PIP5K1B: variants seen among roughly 807,000 people sequenced by gnomAD.
PIP5K1B encodes the protein phosphatidylinositol 4-phosphate 5-kinase type-1 beta.
PIP5K1B carries 42 observed loss-of-function variants against 67.0 expected under a neutral mutation model. The observed-to-expected ratio is 0.63, with a 90% confidence interval of 0.49 to 0.81. The LOEUF is 0.81. Ranked by LOEUF, PIP5K1B falls within the 30% of genes least tolerant of loss-of-function variation. The pLI is 0.00. For missense variants in PIP5K1B, 459 were observed against 646.3 expected (o/e 0.71, Z 3.14); for synonymous variants, 214 against 231.4 (o/e 0.92, Z 0.68).
intron 4 of PIP5K1B, among the ~76,000 whole-genome samples, chr9:68,849,421 C>A (rs901097907): frequency 6.6e-6 from 1 of 152,192 alleles, no homozygotes; most frequent in Non-Finnish European, 1.5e-5. Flanking sequence ...CCTCTGTCAA[C>A]CCAGGCTGAA....
rs538698797 is a variant in PIP5K1B, at chr9:68,792,127, G to A, written c.-85-26334G>A. On this transcript the variant is annotated intron_variant, in intron 2 of 15. Coordinates refer to ENST00000265382, the MANE Select transcript of PIP5K1B (RefSeq NM_003558.4). ...CTTCTGTGATCCTGTTGTTCCCAGGGCTTCCCTCTATAAAGGCAATTAATA... is the reference window on the plus strand; with the variant it reads ...CTTCTGTGATCCTGTTGTTCCCAGGACTTCCCTCTATAAAGGCAATTAATA... Among the ~76,000 whole-genome samples the A allele has an allele frequency of 2.0e-5, 3 of 152,314 alleles. No homozygotes were observed. The South Asian group carries it at 6.2e-4, about 32-fold the overall frequency.
At chr9:68,918,932 G>A (rs777259169) in intron 9 of PIP5K1B, among the ~76,000 whole-genome samples, 4 of 152,038 alleles carry the variant, frequency 2.6e-5, no homozygotes, top group African/African-American at 4.8e-5. Flanking sequence ...TATAAAACAT[G>A]ATAAATAATA....
intron 14 of PIP5K1B, among the ~76,000 whole-genome samples, chr9:68,975,142 C>G (rs539297183): frequency 2.0e-5 from 3 of 152,210 alleles, no homozygotes; most frequent in Non-Finnish European, 2.9e-5. Context: ...GATCACAGCT[C>G]GCTGCAGCCT....
chr9:68,947,808 C>A (rs1215897676), intron 14 of PIP5K1B, among the ~76,000 whole-genome samples: 1 of 152,092 alleles, frequency 6.6e-6, no homozygotes, highest in Non-Finnish European at 1.5e-5. Flanking sequence ...TAATGCATTC[C>A]CTGGTACTGT....
rs750644171 is a variant in PIP5K1B at position 68,754,171 on chromosome 9, A to ATTTTTTTTTTTTTTT, written c.-86+11517_-86+11518insTTTTTTTTTTTTTTT. On this transcript the variant is annotated intron_variant, in intron 2 of 15. Transcript: ENST00000265382. ...TTTAAGTCTTCTTTTATGTTCCATG[A>ATTTTTTTTTTTTTTT]TTTCTTTTTTTTTTTTGAGACAGAG... 7.2e-4 allele frequency among the ~76,000 whole-genome samples: 40 copies of ATTTTTTTTTTTTTTT among 55,564 alleles called. 3 individuals are homozygous for ATTTTTTTTTTTTTTT. Among genetic ancestry groups the ATTTTTTTTTTTTTTT allele is most frequent in the East Asian group, 3.0e-3 (4 of 1,346 alleles). The allele number at this position is 55,564 out of a possible 152,430, so 36.5% of individuals were successfully genotyped here. A position where few individuals can be genotyped will look rare whatever the true frequency, so the allele number is the denominator to read the frequency against.
At chr9:68,725,003 A>T (rs1390925236) in intron 1 of PIP5K1B, among the ~76,000 whole-genome samples, 1 of 150,224 alleles carries the variant, frequency 6.7e-6, no homozygotes, top group African/African-American at 2.5e-5. Context: ...TTTCTGACTT[A>T]AAAAAAAAGT....
chr9:68,965,608 G>C (rs1564277311), intron 14 of PIP5K1B: 1 of 152,192 alleles, frequency 6.6e-6, no homozygotes, highest in African/African-American at 2.4e-5. Flanking sequence ...GTTCAGCCTA[G>C]TTCTTCAGTG....
chr9:68,947,777 A>T (rs1007291440), intron 14 of PIP5K1B, among the ~76,000 whole-genome samples: 1 of 152,252 alleles, frequency 6.6e-6, no homozygotes, highest in Non-Finnish European at 1.5e-5. Flanking sequence ...GTATTTACCA[A>T]TAAGTCTGTC....
At position 68,788,274 on chromosome 9, in the gene PIP5K1B, T is replaced by C. The variant is rs143991627; in HGVS notation, c.-85-30187T>C. ...TACTTTTAGATAAGAAATGAAAAAGTGTTCATGACTTTTCCCTCTGCAGAC... is the reference window on the plus strand; with the variant it reads ...TACTTTTAGATAAGAAATGAAAAAGCGTTCATGACTTTTCCCTCTGCAGAC... On this transcript the variant is annotated intron_variant, in intron 2 of 15. Transcript: ENST00000265382. 26 of 550,714 alleles carry C rather than the reference T, an allele frequency of 4.7e-5. No individual in the cohort carries two copies. In the East Asian group the frequency reaches 1.1e-3, roughly 22 times the overall value. The allele number at this position is 550,714 out of a possible 1,614,324, so 34.1% of individuals were successfully genotyped here. A position where few individuals can be genotyped will look rare whatever the true frequency, so the allele number is the denominator to read the frequency against.
chr9:68,735,236 T>G (rs2132300193), intron 1 of PIP5K1B, among the ~76,000 whole-genome samples: 1 of 147,768 alleles, frequency 6.8e-6, no homozygotes, highest in East Asian at 2.0e-4. Context: ...TATTAGTATA[T>G]ACATTTGCCA....
intron 5 of PIP5K1B, among the ~76,000 whole-genome samples, chr9:68,866,419 A>T (rs992110516): frequency 4.6e-5 from 7 of 152,040 alleles, no homozygotes; most frequent in Non-Finnish European, 8.8e-5. Flanking sequence ...GTGTGTGTGT[A>T]TACATATACA....
intron 1 of PIP5K1B, among the ~76,000 whole-genome samples, chr9:68,725,041 A>G (rs1327945527): frequency 1.3e-5 from 2 of 152,228 alleles, no homozygotes; most frequent in African/African-American, 4.8e-5. Context: ...TACAACACCC[A>G]GTGCAGAATT....
intron 2 of PIP5K1B, among the ~76,000 whole-genome samples, chr9:68,777,990 A>G (rs1194761327): frequency 6.6e-6 from 1 of 152,184 alleles, no homozygotes; most frequent in African/African-American, 2.4e-5. Flanking sequence ...ACAGCATGCT[A>G]TTAGGTTCTG....
intron 15 of PIP5K1B, among the ~76,000 whole-genome samples, chr9:69,007,660 A>G (rs1831145998): frequency 6.6e-6 from 1 of 152,192 alleles, no homozygotes; most frequent in Non-Finnish European, 1.5e-5. Flanking sequence ...GTTCAAGACC[A>G]TCCTGGCTAA....
chr9:68,856,803 A>T (rs983960307), intron 4 of PIP5K1B, among the ~76,000 whole-genome samples: 2 of 152,212 alleles, frequency 1.3e-5, no homozygotes, highest in African/African-American at 4.8e-5. Flanking sequence ...ACGGGAAAAA[A>T]TGCCAGGGTC....
chr9:68,825,733 A>G (rs1327973832), intron 4 of PIP5K1B, among the ~76,000 whole-genome samples: 2 of 152,112 alleles, frequency 1.3e-5, no homozygotes, highest in Admixed American at 6.5e-5. Flanking sequence ...CTCACAGTGG[A>G]GTGGGAGAGG....
chr9:68,714,362 A>G (rs924919773), intron 1 of PIP5K1B, among the ~76,000 whole-genome samples: 1 of 152,030 alleles, frequency 6.6e-6, no homozygotes, highest in Non-Finnish European at 1.5e-5. Context: ...CTAATCCATC[A>G]CCAATGTCTA....
At chr9:68,759,817 T>C (rs1830107558) in intron 2 of PIP5K1B, among the ~76,000 whole-genome samples, 1 of 152,102 alleles carries the variant, frequency 6.6e-6, no homozygotes, top group Non-Finnish European at 1.5e-5. Context: ...GTGTACTGAG[T>C]TTTAAAATAT....
intron 2 of PIP5K1B, among the ~76,000 whole-genome samples, chr9:68,813,476 T>C (rs1417701442): frequency 1.3e-5 from 2 of 152,220 alleles, no homozygotes; most frequent in Non-Finnish European, 2.9e-5. Flanking sequence ...GATTGGGTTC[T>C]CTGGAAGCAA....
Sources: allele counts gnomAD v4.1 joint callset (sites outside exome capture counted in the v4.1 genomes callset), GRCh38; gene constraint gnomAD v4.1.1; transcripts MANE v1.5; gene names NCBI Gene and HGNC (gene_info 2026-07-23, HGNC 2026-07-21).